The following SBNO1 variants were observed in gnomAD, a reference collection of about 807,000 sequenced individuals.
The protein encoded by SBNO1 is strawberry notch homolog 1, also known as protein strawberry notch homolog 1.
SBNO1 carries 23 observed loss-of-function variants against 173.6 expected under a neutral mutation model. That is an observed-to-expected ratio of 0.13 (90% CI 0.10 to 0.19). The LOEUF is 0.19. Ranked by LOEUF, SBNO1 falls within the 10% of genes least tolerant of loss-of-function variation. The probability of loss-of-function intolerance (pLI) is 1.00; values close to 1 mark genes in which losing one functional copy is unlikely to be tolerated. For synonymous variants in SBNO1, 632 were observed against 571.5 expected (o/e 1.11, Z -1.51); for missense variants, 1,238 against 1,671.2 (o/e 0.74, Z 4.52).
At chr12:123,300,665 A>G (rs1398119408) in intron 30 of SBNO1, among the ~76,000 whole-genome samples, 1 of 149,302 alleles carries the variant, frequency 6.7e-6, no homozygotes, top group Non-Finnish European at 1.5e-5. Context: ...CTCAAAAAAA[A>G]GAAATGTTTG....
chr12:123,364,112 T>G (rs956201187), intron 1 of SBNO1: 3 of 985,318 alleles, frequency 3.0e-6, no homozygotes, highest in Non-Finnish European at 3.6e-6. Flanking sequence ...TGGAGAGGCG[T>G]GAAGGGAGCC....
intron 1 of SBNO1, among the ~76,000 whole-genome samples, chr12:123,356,545 G>A (rs532539904): frequency 1.3e-5 from 2 of 152,276 alleles, no homozygotes; most frequent in African/African-American, 2.4e-5. Context: ...GGGTTCAAGC[G>A]ATTCTCCTGC....
chr12:123,360,117 G>A (rs1451963365), intron 1 of SBNO1, among the ~76,000 whole-genome samples: 4 of 151,876 alleles, frequency 2.6e-5, no homozygotes, highest in African/African-American at 7.3e-5. Flanking sequence ...GGTGGTGGGC[G>A]CCTGTTAATC....
Position 123,351,643 on chromosome 12 carries a change from G to C in SBNO1, c.1-1202C>G, listed in dbSNP as rs1873898090. On this transcript the variant is annotated intron_variant, in intron 1 of 31. Transcript: ENST00000602398. ...TCAGTAAAGATAGAAAAAAATAGAAGGATTACTCAACAGCAATGTGGAAAC... is the reference window on the plus strand; with the variant it reads ...TCAGTAAAGATAGAAAAAAATAGAACGATTACTCAACAGCAATGTGGAAAC... Among the ~76,000 whole-genome samples the C allele has an allele frequency of 2.0e-5, 3 of 151,926 alleles. No individual in the cohort carries two copies. The South Asian group carries it at 6.2e-4, about 32-fold the overall frequency.
chr12:123,315,180 T>C (rs1290152427), intron 23 of SBNO1, among the ~76,000 whole-genome samples, 193 bp downstream of exon 23: 1 of 152,244 alleles, frequency 6.6e-6, no homozygotes, highest in Non-Finnish European at 1.5e-5. Flanking sequence ...TAAAGACAAC[T>C]ACATTGCTGT....
chr12:123,298,410 T>G (rs4759374), intron 30 of SBNO1, among the ~76,000 whole-genome samples: 7,379 of 151,988 alleles, frequency 0.049, 311 homozygotes, highest in East Asian at 0.25. Flanking sequence ...GGGACTTTTT[T>G]TTGTTGTTGT....
chr12:123,330,409 G>T lies in SBNO1; in HGVS notation c.1134+10C>A. 3 of 1,446,770 alleles carry T rather than the reference G, an allele frequency of 2.1e-6. No individual in the cohort carries two copies. Among genetic ancestry groups the T allele is most frequent in the South Asian group, 1.2e-5 (1 of 85,264 alleles). 89.6% of individuals were successfully genotyped at this position (1,446,770 alleles called of 1,614,324 possible). On this transcript the variant is annotated intron_variant, in intron 9 of 31. Coordinates refer to ENST00000602398, the MANE Select transcript of SBNO1 (RefSeq NM_001167856.3). ...TATTGAATGACCAACTGAATAAAAA[G>T]ATTTCATACCTTATTTAACGAATGA...
chr12:123,300,840 T>C (rs1009395522), intron 30 of SBNO1, among the ~76,000 whole-genome samples: 1 of 150,482 alleles, frequency 6.6e-6, no homozygotes, highest in African/African-American at 2.4e-5. Flanking sequence ...GGCACTGTAG[T>C]CCTAGCTACT....
intron 16 of SBNO1, among the ~76,000 whole-genome samples, chr12:123,322,826 G>A (rs1593361620): frequency 6.6e-6 from 1 of 151,276 alleles, no homozygotes; most frequent in Non-Finnish European, 1.5e-5. Context: ...GTTGCAGTGA[G>A]CCAAGATGGT....
chr12:123,331,135 T>G, intron 8 of SBNO1, 107 bp downstream of exon 8: 3 of 1,148,812 alleles, frequency 2.6e-6, no homozygotes, highest in Non-Finnish European at 3.7e-6. Context: ...GCTGATTTTT[T>G]GTACTTTTAG....
intron 7 of SBNO1, among the ~76,000 whole-genome samples, chr12:123,333,029 C>G (rs11611680): frequency 0.53 from 79,722 of 151,726 alleles, 25,266 homozygotes; most frequent in East Asian, 0.71. Context: ...GAGGCTGAGG[C>G]AGAAGAATGG....
intron 24 of SBNO1, among the ~76,000 whole-genome samples, chr12:123,312,017 G>A (rs1868633675): frequency 6.6e-6 from 1 of 151,964 alleles, no homozygotes; most frequent in African/African-American, 2.4e-5. Context: ...TGAAATTACA[G>A]GTGTGAGCCA....
intron 17 of SBNO1, 83 bp from the exon 18 acceptor site, chr12:123,320,949 ATTT>A (rs1351233998): frequency 3.6e-5 from 42 of 1,177,052 alleles, no homozygotes; most frequent in Non-Finnish European, 4.2e-5. Flanking sequence ...TTGAAATTTT[ATTT>A]TTTTGAGACA....
intron 7 of SBNO1, among the ~76,000 whole-genome samples, chr12:123,332,958 A>G (rs1446833000): frequency 6.6e-6 from 1 of 152,124 alleles, no homozygotes; most frequent in Non-Finnish European, 1.5e-5. Flanking sequence ...CCCCATCTCC[A>G]CTAAAAACAG....
At chr12:123,319,412 G>T (rs1869698205) in intron 20 of SBNO1, among the ~76,000 whole-genome samples, 1 of 151,966 alleles carries the variant, frequency 6.6e-6, no homozygotes. Context: ...GTGAGTAAAG[G>T]CAATTACTAA....
Position 123,320,734 on chromosome 12 carries a change from G to A in SBNO1, c.2456C>T (p.Thr819Ile). The stretch of plus-strand genomic sequence containing the variant: ...GTTAGGAGCAGGTGAGATAACTGGT[G>A]TAGATGAAAAACTAGGTCGTTTTGA... ...LGSKRPSFSS[T>I]PVISPAPNST... Residue 819 changes from threonine to isoleucine, a missense_variant, in exon 18 of 32, where the codon ACA becomes ATA. This residue lies in a region of SBNO1 where 74 missense variants were observed against 68.5 expected (regional missense o/e 1.08). Transcript: ENST00000602398. The A allele has an allele frequency of 6.2e-7, 1 of 1,612,214 alleles. No individual in the cohort carries two copies. Among genetic ancestry groups the A allele is most frequent in the Non-Finnish European group, 8.5e-7 (1 of 1,179,516 alleles).
Position 123,335,726 on chromosome 12 carries a change from G to A in SBNO1, c.748+669C>T, listed in dbSNP as rs142011915. Among the ~76,000 whole-genome samples, 193 of 152,254 alleles carry A rather than the reference G, an allele frequency of 1.3e-3. 1 individual carries two copies. Among genetic ancestry groups the A allele is most frequent in the African/African-American group, 4.4e-3 (181 of 41,552 alleles). ...AAAACCTTATTTACTATAAAAAAGC[G>A]AGTGGTCCAGATTTAGTTTGCTGTC... On this transcript the variant is annotated intron_variant, in intron 6 of 31. Transcript: ENST00000602398.
chr12:123,364,294 C>G (rs1875819381), intron 1 of SBNO1: 1 of 985,524 alleles, frequency 1.0e-6, no homozygotes, highest in Non-Finnish European at 1.2e-6. Context: ...CCGGTCCTTA[C>G]TTTCCCCGCG....
At chr12:123,343,037 T>C (rs1330732921) in intron 4 of SBNO1, among the ~76,000 whole-genome samples, 1 of 151,226 alleles carries the variant, frequency 6.6e-6, no homozygotes, top group Non-Finnish European at 1.5e-5. Context: ...AGGTCAGGAG[T>C]TCAAGATCAG....
Sources: allele counts gnomAD v4.1 joint callset (sites outside exome capture counted in the v4.1 genomes callset), GRCh38; gene constraint gnomAD v4.1.1; regional missense constraint gnomAD v4.1.1; transcripts MANE v1.5; gene names NCBI Gene and HGNC (gene_info 2026-07-23, HGNC 2026-07-21).